The following CACNA1B variants were observed in gnomAD, a reference collection of about 807,000 sequenced individuals.
CACNA1B encodes the protein calcium voltage-gated channel subunit alpha1 B, also known as voltage-dependent N-type calcium channel subunit alpha-1B.
CACNA1B carries 70 observed loss-of-function variants against 247.2 expected under a neutral mutation model. The observed-to-expected ratio is 0.28, with a 90% CI of 0.23 to 0.35. The LOEUF (loss-of-function observed/expected upper bound fraction) is 0.35. Ranked by LOEUF, CACNA1B falls within the 10% of genes least tolerant of loss-of-function variation. The probability of loss-of-function intolerance (pLI) is 1.00; values close to 1 mark genes in which losing one functional copy is unlikely to be tolerated. For missense variants in CACNA1B, 2,367 were observed against 3,197.4 expected, an observed-to-expected ratio of 0.74 and a Z score of 6.26; for synonymous variants, 1,231 against 1,294.4, an observed-to-expected ratio of 0.95 and a Z score of 1.05.
At chr9:137,970,697 A>G (rs1958135788) in intron 10 of CACNA1B, among the ~76,000 whole-genome samples, 1 of 152,102 alleles carries the variant, frequency 6.6e-6, no homozygotes, top group African/African-American at 2.4e-5. Context: ...TGAGGGACGC[A>G]TTTCACACTT....
intron 35 of CACNA1B, 126 bp from the exon 36 acceptor site, chr9:138,077,988 G>T (rs1336820670): frequency 1.4e-6 from 1 of 715,604 alleles, no homozygotes; most frequent in East Asian, 2.7e-5. Flanking sequence ...CTGTGACCCA[G>T]GCCTGGCACA....
At chr9:137,978,946 T>C (rs779399635) in intron 12 of CACNA1B, among the ~76,000 whole-genome samples, 26 of 152,098 alleles carry the variant, frequency 1.7e-4, no homozygotes, top group Non-Finnish European at 3.7e-4. Flanking sequence ...CAGTAGACAG[T>C]GGGAAGACAG....
At position 137,899,925 on chromosome 9, in the gene CACNA1B, G is replaced by A. The variant is rs543519097; in HGVS notation, c.531-13255G>A. Among the ~76,000 whole-genome samples the A allele has an allele frequency of 1.6e-3, 249 of 152,286 alleles. 1 individual carries two copies. Among genetic ancestry groups the A allele is most frequent in the Non-Finnish European group, 2.7e-3 (186 of 68,002 alleles). On this transcript the variant is annotated intron_variant, in intron 3 of 46. Transcript: ENST00000371372. The surrounding 1 kb of genome is among the most constrained non-coding windows in gnomAD (Gnocchi z 5.0). ...GGTCCAGGTTGATGGGGCGTGGGTA[G>A]GGCTCTGTGCCACAGGGACGGGGTA...
chr9:138,060,335 A>G (rs1301896592), intron 31 of CACNA1B, among the ~76,000 whole-genome samples: 1 of 152,216 alleles, frequency 6.6e-6, no homozygotes, highest in Non-Finnish European at 1.5e-5. Context: ...TGAATTCTCG[A>G]GAAGCAGACG....
intron 6 of CACNA1B, among the ~76,000 whole-genome samples, chr9:137,946,221 C>A (rs934194346): frequency 6.6e-6 from 1 of 152,146 alleles, no homozygotes; most frequent in Admixed American, 6.5e-5. Context: ...GTATAAACTT[C>A]TTTGCATAGC....
At chr9:138,039,037 T>C (rs761938201) in intron 20 of CACNA1B, among the ~76,000 whole-genome samples, 11 of 149,158 alleles carry the variant, frequency 7.4e-5, no homozygotes, top group Admixed American at 1.3e-4. Context: ...AAAAAAAAAG[T>C]GTATAAAAAT....
rs1957051532 is a variant in CACNA1B, at chr9:137,888,611, T to C, written c.530+5728T>C. ...TAGTCTAAATTAAACTGGGATTTCT[T>C]TCCAGGACATGTAATTAGAGCCCAG... On this transcript the variant is annotated intron_variant, in intron 3 of 46. Transcript: ENST00000371372. This position sits in a 1 kb window ranked among gnomAD's most constrained non-coding sequence, Gnocchi z 4.7. Among the ~76,000 whole-genome samples, 1 of 152,208 alleles carries C rather than the reference T, an allele frequency of 6.6e-6. No homozygotes were observed. Among genetic ancestry groups the C allele is most frequent in the Admixed American group, 6.5e-5 (1 of 15,292 alleles).
intron 31 of CACNA1B, among the ~76,000 whole-genome samples, chr9:138,066,409 T>C (rs1959916082): frequency 6.6e-6 from 1 of 151,950 alleles, no homozygotes; most frequent in Admixed American, 6.6e-5. Flanking sequence ...ATTGTACCAC[T>C]GCACTCCAGT....
At position 138,059,019 on chromosome 9, in the gene CACNA1B, C is replaced by T; in HGVS notation, c.4474-60C>T. 4.9e-6 allele frequency: 5 copies of T among 1,011,278 alleles called. No individual in the cohort carries two copies. The South Asian group carries it at 5.4e-5, about 11-fold the overall frequency. The allele number at this position is 1,011,278 out of a possible 1,614,324, so 62.6% of individuals were successfully genotyped here. On this transcript the variant is annotated intron_variant, in intron 29 of 46. Coordinates refer to ENST00000371372, the MANE Select transcript of CACNA1B (RefSeq NM_000718.4). The surrounding 1 kb of genome is among the most constrained non-coding windows in gnomAD (Gnocchi z 4.2). ...CCCGCTTTGCTTGGTCATAGTGGTC[C>T]CAGATGGGGTGTCTTGGGGCTGCCA... is the stretch of plus-strand genomic sequence containing the variant.
At chr9:138,118,875 G>T in intron 44 of CACNA1B, 107 bp downstream of exon 44, 1 of 643,974 alleles carries the variant, frequency 1.6e-6, no homozygotes, top group Non-Finnish European at 2.7e-6. Context: ...GGGTAGAGAG[G>T]CTGGGGTCCA....
chr9:137,968,406 C>A (rs1265958682), intron 10 of CACNA1B, among the ~76,000 whole-genome samples: 2 of 152,246 alleles, frequency 1.3e-5, no homozygotes, highest in Non-Finnish European at 2.9e-5. Context: ...TGTGCTGTCT[C>A]ACTGAATCCC....
At chr9:137,997,636 G>A (rs1958515432) in intron 15 of CACNA1B, among the ~76,000 whole-genome samples, 2 of 152,166 alleles carry the variant, frequency 1.3e-5, no homozygotes, top group South Asian at 2.1e-4. Context: ...ATTTCCACCT[G>A]TCAGTTTAGC....
chr9:138,054,088 G>A lies in CACNA1B; in HGVS notation c.3968+82G>A. 1.5e-6 allele frequency: 2 copies of A among 1,347,846 alleles called. No homozygotes were observed. Among genetic ancestry groups the A allele is most frequent in the Non-Finnish European group, 2.1e-6 (2 of 945,126 alleles). 83.5% of individuals were successfully genotyped at this position (1,347,846 alleles called of 1,614,324 possible). Reference sequence around the variant, plus strand: ...GGGAGTTCCCTTGGGACCAGGTGGAGCTGGTCACACGGCGTGGGAGACTCC... The same window carrying A: ...GGGAGTTCCCTTGGGACCAGGTGGAACTGGTCACACGGCGTGGGAGACTCC... On this transcript the variant is annotated intron_variant, in intron 26 of 46. Transcript: ENST00000371372. This position sits in a 1 kb window ranked among gnomAD's most constrained non-coding sequence, Gnocchi z 4.6.
intron 39 of CACNA1B, among the ~76,000 whole-genome samples, chr9:138,107,600 G>T (rs902238885): frequency 6.6e-6 from 1 of 151,996 alleles, no homozygotes; most frequent in Non-Finnish European, 1.5e-5. Context: ...CTGGCTCTCA[G>T]CTGTTGCTGC....
chr9:138,106,198 A>C (rs1443913327), intron 39 of CACNA1B, among the ~76,000 whole-genome samples: 1 of 152,122 alleles, frequency 6.6e-6, no homozygotes, highest in African/African-American at 2.4e-5. Flanking sequence ...TCTTTCCCTG[A>C]TCTGATGGAC....
chr9:137,999,241 A>T (rs543588174), intron 15 of CACNA1B, among the ~76,000 whole-genome samples: 25 of 130,810 alleles, frequency 1.9e-4, no homozygotes, highest in Middle Eastern at 3.5e-3. Flanking sequence ...TAAAAAAAAT[A>T]AAAAATAAAA....
chr9:137,924,237 A>G (rs1957524990), intron 6 of CACNA1B, among the ~76,000 whole-genome samples: 3 of 150,384 alleles, frequency 2.0e-5, no homozygotes. Context: ...ATTGTTTTAT[A>G]TTTTACATGT....
chr9:137,918,310 C>G (rs1382731016), intron 6 of CACNA1B, among the ~76,000 whole-genome samples: 3 of 152,124 alleles, frequency 2.0e-5, no homozygotes, highest in Non-Finnish European at 4.4e-5. Flanking sequence ...TTGAGCAGAT[C>G]TGCCTCTTTA....
At chr9:138,021,914 CG>C (rs1409647786) in intron 18 of CACNA1B, among the ~76,000 whole-genome samples, 30 of 152,192 alleles carry the variant, frequency 2.0e-4, no homozygotes, top group Non-Finnish European at 3.8e-4. Flanking sequence ...GGCTCCAGGG[CG>C]GGCCTCTGGC....
Sources: allele counts gnomAD v4.1 joint callset (sites outside exome capture counted in the v4.1 genomes callset), GRCh38; gene constraint gnomAD v4.1.1; non-coding constraint Gnocchi (gnomAD v3.1); transcripts MANE v1.5; gene names NCBI Gene and HGNC (gene_info 2026-07-23, HGNC 2026-07-21).